Variants in PCDHGA10 observed in about 807,000 individuals in gnomAD.
The protein encoded by PCDHGA10 is protocadherin gamma subfamily A, 10, also known as protocadherin gamma-A10.
PCDHGA10 carries 42 observed loss-of-function variants against 59.5 expected under a neutral mutation model. That is an observed-to-expected ratio of 0.71 (90% confidence interval 0.55 to 0.91). The LOEUF is 0.91. PCDHGA10 is among the 40% of genes least tolerant of loss of function. The probability of loss-of-function intolerance (pLI) is 0.00; values close to 1 mark genes in which losing one functional copy is unlikely to be tolerated. For synonymous variants in PCDHGA10, 511 were observed against 517.2 expected (o/e 0.99, Z 0.16); for missense variants, 1,111 against 1,198.2 (o/e 0.93, Z 1.07).
Position 141,414,099 on chromosome 5 carries a change from A to G in PCDHGA10, c.924A>G (p.Ser308=). 6.3e-7 allele frequency: 1 copy of G among 1,593,504 alleles called. No individual in the cohort carries two copies. Among genetic ancestry groups the G allele is most frequent in the Non-Finnish European group, 8.5e-7 (1 of 1,169,666 alleles). The part of the protein sequence containing the change: ...LNKYTGEIKI[S]ENLDYEETGF... ...AATATACTGGAGAAATAAAAATATC[A>G]GAAAATCTAGATTATGAAGAAACCG... Residue 308 remains serine, a synonymous_variant, in exon 1 of 4, where the codon TCA becomes TCG. Transcript: ENST00000398610.
At chr5:141,436,588 G>A (rs1182294845) in intron 1 of PCDHGA10, among the ~76,000 whole-genome samples, 3 of 152,138 alleles carry the variant, frequency 2.0e-5, no homozygotes, top group Non-Finnish European at 2.9e-5. Context: ...AATTTGAAAG[G>A]TCGTGGTGAT....
At chr5:141,430,915 G>A (rs565034370) in intron 1 of PCDHGA10, 2 of 1,607,738 alleles carry the variant, frequency 1.2e-6, no homozygotes, top group East Asian at 4.5e-5. Context: ...CCAGGGACCT[G>A]GGGCTGGAGC....
Position 141,491,531 on chromosome 5 carries a change from T to G in PCDHGA10, c.2437-3276T>G, listed in dbSNP as rs532897059. On this transcript the variant is annotated intron_variant, in intron 1 of 3. Coordinates refer to ENST00000398610, the MANE Select transcript of PCDHGA10 (RefSeq NM_018913.3). This position sits in a 1 kb window ranked among gnomAD's most constrained non-coding sequence, Gnocchi z 6.9. ...ACGCTCAAGTACATGGAGGTGACGC[T>G]GCGGCCCACAGACTCGCAGAGCCAC... The G allele has an allele frequency of 6.2e-7, 1 of 1,614,044 alleles. No homozygotes were observed. The highest frequency in any genetic ancestry group is 1.7e-5 in the Admixed American group (1 of 60,028).
At chr5:141,484,359 T>A (rs1218120598) in intron 1 of PCDHGA10, among the ~76,000 whole-genome samples, 1 of 152,222 alleles carries the variant, frequency 6.6e-6, no homozygotes, top group Non-Finnish European at 1.5e-5. Context: ...GTGTATCTAG[T>A]GTATCACTAG....
At chr5:141,441,635 G>T in intron 1 of PCDHGA10, 1 of 226,720 alleles carries the variant, frequency 4.4e-6, no homozygotes, top group Non-Finnish European at 8.9e-6. Flanking sequence ...TGGAGCCACA[G>T]GCGCTGTGAT....
At chr5:141,502,862 C>CTTTT (rs2154593209) in intron 2 of PCDHGA10, among the ~76,000 whole-genome samples, 1 of 68,550 alleles carries the variant, frequency 1.5e-5, no homozygotes, top group African/African-American at 9.9e-5. Flanking sequence ...CCCTGACTCT[C>CTTTT]TGTCTTTTTT....
Position 141,491,743 on chromosome 5 carries a change from A to G in PCDHGA10, c.2437-3064A>G, listed in dbSNP as rs752434173. ...GCCCCGGGCGACCCCTGGGGGCGGC[A>G]CTGGAGAAGCCGCCCGTCCTCATAA... On this transcript the variant is annotated intron_variant, in intron 1 of 3. Transcript: ENST00000398610. The surrounding 1 kb of genome is among the most constrained non-coding windows in gnomAD (Gnocchi z 6.9). 5.0e-6 allele frequency: 8 copies of G among 1,595,570 alleles called. No individual in the cohort carries two copies. In the Admixed American group the frequency reaches 1.4e-4, roughly 28 times the overall value.
Position 141,432,492 on chromosome 5 carries a change from C to A in PCDHGA10, c.2436+16881C>A. On this transcript the variant is annotated intron_variant, in intron 1 of 3. Transcript: ENST00000398610. The surrounding 1 kb of genome is among the most constrained non-coding windows in gnomAD (Gnocchi z 6.0). ...GACGGTTCCACTGGCGTGGAGCTGG[C>A]TCCCCGCTCCGCAGAGCCCGGCTAC... 6.2e-7 allele frequency: 1 copy of A among 1,614,168 alleles called. No individual in the cohort carries two copies. Among genetic ancestry groups the A allele is most frequent in the Admixed American group, 1.7e-5 (1 of 60,034 alleles).
rs199625514 is a variant in PCDHGA10 at position 141,485,144 on chromosome 5, G to C, written c.2437-9663G>C. The C allele has an allele frequency of 6.4e-7, 1 of 1,564,190 alleles. No homozygotes were observed. Among genetic ancestry groups the C allele is most frequent in the African/African-American group, 1.4e-5 (1 of 74,034 alleles). ...CGGGTCGGCTTCATCCGCGTCTCAG[G>C]AGCAAGTAGAGAATTAGCGGGCGGC... On this transcript the variant is annotated intron_variant, in intron 1 of 3. Coordinates refer to ENST00000398610, the MANE Select transcript of PCDHGA10 (RefSeq NM_018913.3). The surrounding 1 kb of genome is among the most constrained non-coding windows in gnomAD (Gnocchi z 5.7).
At chr5:141,506,252 C>T (rs1158047426) in intron 3 of PCDHGA10, among the ~76,000 whole-genome samples, 1 of 151,968 alleles carries the variant, frequency 6.6e-6, no homozygotes, top group African/African-American at 2.4e-5. Flanking sequence ...AGTTCGAAAC[C>T]GGCCTGGCCA....
chr5:141,418,093 C>A, intron 1 of PCDHGA10: 2 of 1,614,032 alleles, frequency 1.2e-6, no homozygotes, highest in Non-Finnish European at 1.7e-6. Context: ...TCAGCGTAGA[C>A]GCGCAGAGCG....
chr5:141,421,953 G>A lies in PCDHGA10; in HGVS notation c.2436+6342G>A, dbSNP rs193141134. On this transcript the variant is annotated intron_variant, in intron 1 of 3. Coordinates refer to ENST00000398610, the MANE Select transcript of PCDHGA10 (RefSeq NM_018913.3). ...TCGATGTAAATGATCACATCCCAATGTTTACACAGTCCGTATATCGCGTGA... is the reference window on the plus strand; with the variant it reads ...TCGATGTAAATGATCACATCCCAATATTTACACAGTCCGTATATCGCGTGA... 1.8e-4 allele frequency: 295 copies of A among 1,612,962 alleles called. 5 individuals are homozygous for A. In the East Asian group the frequency reaches 4.0e-3, roughly 22 times the overall value.
At chr5:141,419,022 G>A in intron 1 of PCDHGA10, 1 of 1,613,960 alleles carries the variant, frequency 6.2e-7, no homozygotes, top group Non-Finnish European at 8.5e-7. Flanking sequence ...AGCTTAAGTA[G>A]AGGTGTTCCA....
At chr5:141,440,605 C>G (rs1214459401) in intron 1 of PCDHGA10, 1 of 152,228 alleles carries the variant, frequency 6.6e-6, no homozygotes, top group East Asian at 1.9e-4. Context: ...TGCAACAGAA[C>G]CTGCAGAAGA....
chr5:141,418,041 T>C lies in PCDHGA10; in HGVS notation c.2436+2430T>C, dbSNP rs764313049. The C allele has an allele frequency of 1.2e-6, 2 of 1,613,858 alleles. No individual in the cohort carries two copies. Among genetic ancestry groups the C allele is most frequent in the Non-Finnish European group, 1.7e-6 (2 of 1,179,856 alleles). On this transcript the variant is annotated intron_variant, in intron 1 of 3. Transcript: ENST00000398610. ...GATCTAGGGCTTAGTGTCCTGGATG[T>C]GTCGGCTCGCGAGCTGCGAGTGAGC... is the stretch of plus-strand genomic sequence containing the variant.
In PCDHGA10 at chr5:141,413,081, C is replaced by A; in HGVS notation, c.-95C>A. 2 of 1,339,424 alleles carry A rather than the reference C, an allele frequency of 1.5e-6. No individual in the cohort carries two copies. Among genetic ancestry groups the A allele is most frequent in the Non-Finnish European group, 2.0e-6 (2 of 984,200 alleles). The allele number at this position is 1,339,424 out of a possible 1,614,324, so 83.0% of individuals were successfully genotyped here. A position where few individuals can be genotyped will look rare whatever the true frequency, so the allele number is the denominator to read the frequency against. Reference sequence around the variant, plus strand: ...TCCAGAATTTAAAGTGCCCAGGCTACAGAGACACCCTGAAGCCACAGAAAG... The same window carrying A: ...TCCAGAATTTAAAGTGCCCAGGCTAAAGAGACACCCTGAAGCCACAGAAAG... On this transcript the variant is annotated 5_prime_UTR_variant, in exon 1 of 4. Coordinates refer to ENST00000398610, the MANE Select transcript of PCDHGA10 (RefSeq NM_018913.3).
At chr5:141,472,980 C>CAAAAAAAAAAAAAAAAGAAAA (rs2099308501) in intron 1 of PCDHGA10, among the ~76,000 whole-genome samples, 1 of 86,106 alleles carries the variant, frequency 1.2e-5, no homozygotes, top group Non-Finnish European at 2.5e-5. Context: ...GAGTGAAACT[C>CAAAAAAAAAAAAAAAAGAAAA]AAAAAAAAAA....
At chr5:141,423,100 G>A in intron 1 of PCDHGA10, 1 of 1,613,944 alleles carries the variant, frequency 6.2e-7, no homozygotes, top group Non-Finnish European at 8.5e-7. Context: ...GGAGCACACG[G>A]GCGAGGTGCG....
At chr5:141,433,045 C>T (rs1183696623) in intron 1 of PCDHGA10, 1 of 1,614,196 alleles carries the variant, frequency 6.2e-7, no homozygotes, top group South Asian at 1.1e-5. Flanking sequence ...TCACCACGGA[C>T]TCGCGGAAGA....
Sources: gnomAD v4.1 joint callset for allele counts (sites outside exome capture counted in the v4.1 genomes callset) on GRCh38, gnomAD v4.1.1 for gene constraint, Gnocchi (gnomAD v3.1) non-coding constraint, MANE v1.5 for transcripts, NCBI Gene and HGNC (gene_info 2026-07-23, HGNC 2026-07-21) for gene names.